The following SCAMP2 variants were observed in gnomAD, a reference collection of about 807,000 sequenced individuals.
SCAMP2 encodes secretory carrier membrane protein 2.
In SCAMP2, 25 loss-of-function variants were observed where a neutral mutation model predicts 44.1. The observed-to-expected ratio is 0.57, with a 90% CI of 0.41 to 0.79. The LOEUF (loss-of-function observed/expected upper bound fraction) is 0.79. Ranked by LOEUF, SCAMP2 falls within the 30% of genes least tolerant of loss-of-function variation. The pLI is 0.00. For missense variants in SCAMP2, 355 were observed against 411.0 expected (o/e 0.86, Z 1.18); for synonymous variants, 156 against 166.0 (o/e 0.94, Z 0.46).
chr15:74,851,319 G>A (rs566491956), intron 5 of SCAMP2, 34 bp downstream of exon 5: 30 of 1,607,214 alleles, frequency 1.9e-5, no homozygotes, highest in African/African-American at 1.7e-4. Flanking sequence ...CACCCAATTC[G>A]CCCTTGCGCT....
At chr15:74,850,431 T>C (rs1357620971) in intron 6 of SCAMP2, 83 bp downstream of exon 6, 1 of 1,212,232 alleles carries the variant, frequency 8.2e-7, no homozygotes, top group African/African-American at 1.5e-5. Context: ...AAGACTCAGA[T>C]GGGGTCCCAG....
rs774424649 is a variant in SCAMP2, at chr15:74,845,494, G to A, written c.834C>T (p.Leu278=). 1.2e-6 allele frequency: 2 copies of A among 1,614,040 alleles called. No individual in the cohort carries two copies. The highest frequency in any genetic ancestry group is 2.2e-5 in the South Asian group (2 of 91,082). ...VAGFFTLCAV[L]SVFLLQRVHS... ...TCACCCGCTGCAGGAGGAAGACTGA[G>A]AGCACGGCACAGAGGGTGAAGAAGC... Residue 278 remains leucine (L), a synonymous_variant, in exon 8 of 9, where the codon CTC becomes CTT. Coordinates refer to ENST00000268099, the MANE Select transcript of SCAMP2 (RefSeq NM_005697.5).
intron 4 of SCAMP2, chr15:74,851,823 A>G (rs533721906): frequency 6.7e-6 from 3 of 449,966 alleles, no homozygotes; most frequent in African/African-American, 2.0e-5. Context: ...CCCCTATGCT[A>G]TCAAAGAATC....
rs534441262 is a variant in SCAMP2, at chr15:74,866,875, C to T, written c.57+6324G>A. Among the ~76,000 whole-genome samples the T allele has an allele frequency of 2.6e-5, 4 of 151,128 alleles. No individual in the cohort carries two copies. The East Asian group carries it at 7.8e-4, about 29-fold the overall frequency. On this transcript the variant is annotated intron_variant, in intron 1 of 8. Transcript: ENST00000268099. ...GCAGTGGTGCAATCTCGGCTCGCTG[C>T]AACCTCCGCCTCCCGGGTTCAAGCG...
At chr15:74,845,410 C>G (rs2064392476) in intron 8 of SCAMP2, 63 bp downstream of exon 8, 2 of 1,612,044 alleles carry the variant, frequency 1.2e-6, no homozygotes, top group African/African-American at 2.7e-5. Flanking sequence ...CATCTCGTGG[C>G]AAGGGCAGGA....
intron 1 of SCAMP2, 141 bp from the exon 2 acceptor site, chr15:74,854,790 G>A (rs2064457646): frequency 1.4e-6 from 1 of 691,856 alleles, no homozygotes; most frequent in Non-Finnish European, 2.5e-6. Context: ...GAAGGGTCCT[G>A]TGCCTGCCTC....
intron 1 of SCAMP2, among the ~76,000 whole-genome samples, chr15:74,870,296 C>T (rs1265251965): frequency 6.6e-6 from 1 of 152,198 alleles, no homozygotes; most frequent in Non-Finnish European, 1.5e-5. Context: ...TTTCAAGCAG[C>T]TATTAATACA....
At chr15:74,872,686 C>A (rs2141185009) in intron 1 of SCAMP2, among the ~76,000 whole-genome samples, 1 of 152,288 alleles carries the variant, frequency 6.6e-6, no homozygotes, top group East Asian at 1.9e-4. Context: ...TGACAAATCT[C>A]AGGGGCTCTC....
intron 1 of SCAMP2, among the ~76,000 whole-genome samples, chr15:74,870,586 T>C (rs1040666579): frequency 1.3e-5 from 2 of 152,242 alleles, no homozygotes; most frequent in Non-Finnish European, 2.9e-5. Flanking sequence ...CTTCTTTCTT[T>C]ACTCAATAGA....
At chr15:74,853,946 G>T (rs1404863871) in intron 3 of SCAMP2, 75 bp downstream of exon 3, 3 of 1,338,148 alleles carry the variant, frequency 2.2e-6, no homozygotes, top group Admixed American at 3.5e-5. Context: ...CTTGCCCCCA[G>T]CCTCAGGGCT....
At chr15:74,865,286 C>G (rs1248048421) in intron 1 of SCAMP2, among the ~76,000 whole-genome samples, 1 of 149,160 alleles carries the variant, frequency 6.7e-6, no homozygotes, top group African/African-American at 2.5e-5. Context: ...GAGGCTGAGG[C>G]AGGAGAATCG....
intron 7 of SCAMP2, among the ~76,000 whole-genome samples, chr15:74,847,448 C>G (rs1463228833): frequency 6.6e-6 from 1 of 152,206 alleles, no homozygotes; most frequent in Non-Finnish European, 1.5e-5. Context: ...TGAATCACAG[C>G]TTTTCTACCA....
At chr15:74,853,463 CAG>C (rs2064448494) in intron 3 of SCAMP2, 2 of 456,494 alleles carry the variant, frequency 4.4e-6, no homozygotes, top group Non-Finnish European at 8.8e-6. Flanking sequence ...AGGAATTGGG[CAG>C]GCGGGAACTT....
At chr15:74,869,083 G>A (rs1207601737) in intron 1 of SCAMP2, among the ~76,000 whole-genome samples, 15 of 152,178 alleles carry the variant, frequency 9.9e-5, no homozygotes, top group African/African-American at 3.6e-4. Context: ...GAACCCAGGA[G>A]GTGGAGACTG....
intron 1 of SCAMP2, among the ~76,000 whole-genome samples, chr15:74,858,780 T>A (rs2064483124): frequency 6.6e-6 from 1 of 150,752 alleles, no homozygotes; most frequent in Non-Finnish European, 1.5e-5. Context: ...TTTCCTTGCT[T>A]CCTTCTTTCC....
At chr15:74,847,214 C>A (rs1313076911) in intron 7 of SCAMP2, among the ~76,000 whole-genome samples, 2 of 151,806 alleles carry the variant, frequency 1.3e-5, no homozygotes, top group Non-Finnish European at 2.9e-5. Flanking sequence ...GCCTCAGCCT[C>A]CCAAGTAGCT....
Position 74,852,126 on chromosome 15 carries a change from CT to C in SCAMP2, c.285del (p.Ala96LeufsTer15). ...CGCTCCTTGCGTTCCAGCTCGGCAGCTTTCCTGTCCAGTTCTTCCTGCTGCC... is the reference window on the plus strand; with the variant it reads ...CGCTCCTTGCGTTCCAGCTCGGCAGCTTCCTGTCCAGTTCTTCCTGCTGCC... The part of the protein sequence containing the change: ...LLRQQEELDR[K>X]AAELERKERE... On this transcript the variant is annotated frameshift_variant, in exon 4 of 9. Transcript: ENST00000268099. LOFTEE classifies it high-confidence loss of function. 1 of 1,591,394 alleles carries C rather than the reference CT, an allele frequency of 6.3e-7. No individual in the cohort carries two copies.
intron 1 of SCAMP2, among the ~76,000 whole-genome samples, chr15:74,863,938 A>C (rs565410742): frequency 3.0e-4 from 45 of 152,324 alleles, no homozygotes; most frequent in African/African-American, 8.4e-4. Flanking sequence ...AGAGTCAGGG[A>C]AGGCTCTACT....
chr15:74,848,840 C>T (rs887421874), intron 6 of SCAMP2, 139 bp from the exon 7 acceptor site: 2 of 622,932 alleles, frequency 3.2e-6, no homozygotes, highest in Non-Finnish European at 2.9e-6. Context: ...CCCAGCCATA[C>T]CACCCGTAAG....
Sources: gnomAD v4.1 joint callset for allele counts (sites outside exome capture counted in the v4.1 genomes callset) on GRCh38, gnomAD v4.1.1 for gene constraint, MANE v1.5 for transcripts, NCBI Gene and HGNC (gene_info 2026-07-23, HGNC 2026-07-21) for gene names.